TENT5D: variants seen among roughly 807,000 people sequenced by gnomAD.
TENT5D encodes terminal nucleotidyltransferase 5D, also known as cancer/testis antigen 112.
For synonymous variants in TENT5D, 103 were observed against 100.6 expected (o/e 1.02, Z -0.15); for missense variants, 191 against 287.0 (o/e 0.67, Z 2.42).
intron 3 of TENT5D, among the ~76,000 whole-genome samples, chrX:80,389,234 C>CTT (rs113436583): frequency 8.9e-6 from 1 of 111,833 alleles, no homozygotes; most frequent in African/African-American, 3.3e-5. Context: ...TACAAAGATG[C>CTT]TTTTTTGTGT....
intron 3 of TENT5D, among the ~76,000 whole-genome samples, chrX:80,408,518 G>C (rs1353949502): frequency 1.8e-5 from 2 of 108,943 alleles, no homozygotes; most frequent in Admixed American, 2.0e-4. Context: ...TAAATTCCTC[G>C]ACACATACAC....
At chrX:80,423,347 C>T (rs184398269) in intron 1 of TENT5D, among the ~76,000 whole-genome samples, 1 of 110,949 alleles carries the variant, frequency 9.0e-6, no homozygotes. Flanking sequence ...AATTAAGGAG[C>T]GTGGACACAA....
At chrX:80,361,482 C>T (rs973136802) in intron 3 of TENT5D, among the ~76,000 whole-genome samples, 1 of 112,064 alleles carries the variant, frequency 8.9e-6, no homozygotes, top group African/African-American at 3.2e-5. Flanking sequence ...TTAGTGCTTC[C>T]TAGTCTGATA....
At chrX:80,396,789 T>G (rs1294279063) in intron 3 of TENT5D, among the ~76,000 whole-genome samples, 1 of 95,176 alleles carries the variant, frequency 1.1e-5, no homozygotes, top group African/African-American at 3.9e-5. Flanking sequence ...AGCTGTTGGG[T>G]ACACCTCCCA....
chrX:80,418,441 T>C (rs1931820513), upstream of TENT5D, among the ~76,000 whole-genome samples: 1 of 111,878 alleles, frequency 8.9e-6, no homozygotes. Flanking sequence ...AAAGTATATG[T>C]ATCCAAAATG....
chrX:80,412,308 G>T (rs1210742663), intron 3 of TENT5D, among the ~76,000 whole-genome samples: 1 of 112,531 alleles, frequency 8.9e-6, no homozygotes, highest in African/African-American at 3.2e-5. Flanking sequence ...CCCCGGGCCT[G>T]TGATAGGAGA....
intron 3 of TENT5D, among the ~76,000 whole-genome samples, chrX:80,390,712 A>G (rs1931107215): frequency 9.0e-6 from 1 of 111,325 alleles, no homozygotes; most frequent in Non-Finnish European, 1.9e-5. Context: ...GGAAATTGTG[A>G]TAATGGAGGA....
upstream of TENT5D, among the ~76,000 whole-genome samples, chrX:80,419,821 C>A (rs1931849310): frequency 9.0e-6 from 1 of 111,673 alleles, no homozygotes; most frequent in African/African-American, 3.3e-5. Flanking sequence ...AGCAATTCTC[C>A]TACCTCAGCC....
At chrX:80,392,873 G>T (rs1022393249) in intron 3 of TENT5D, among the ~76,000 whole-genome samples, 2 of 111,085 alleles carry the variant, frequency 1.8e-5, no homozygotes, top group South Asian at 7.5e-4. Context: ...CCTACAATAT[G>T]ATTAAGATTT....
chrX:80,382,568 T>C (rs1245472015), intron 3 of TENT5D, among the ~76,000 whole-genome samples: 1 of 111,985 alleles, frequency 8.9e-6, no homozygotes, highest in African/African-American at 3.2e-5. Context: ...ACCTTTTGTT[T>C]AGGTGTGTCC....
At chrX:80,407,540 A>G (rs1931529762) in intron 3 of TENT5D, among the ~76,000 whole-genome samples, 1 of 108,293 alleles carries the variant, frequency 9.2e-6, no homozygotes, top group African/African-American at 3.4e-5. Flanking sequence ...CAATTCAACA[A>G]GAAGAGCTAA....
intron 3 of TENT5D, among the ~76,000 whole-genome samples, chrX:80,411,259 G>A (rs1484450305): frequency 1.8e-5 from 2 of 110,598 alleles, no homozygotes; most frequent in African/African-American, 6.6e-5. Flanking sequence ...AAAAAAGAAA[G>A]AAAATTTCAG....
At position 80,399,115 on chromosome X, in the gene TENT5D, A is replaced by G. The variant is rs149165489; in HGVS notation, c.-141-39495A>G. 5.1e-3 allele frequency among the ~76,000 whole-genome samples: 573 copies of G among 111,386 alleles called. 1 individual carries two copies. The highest frequency in any genetic ancestry group is 9.0e-3 in the Non-Finnish European group (475 of 53,045). Reference sequence around the variant, plus strand: ...TGTTGTGCAGAAGCTTTTTATTTTGATGAAATCCCATTTGTCTATTTTTGC... The same window carrying G: ...TGTTGTGCAGAAGCTTTTTATTTTGGTGAAATCCCATTTGTCTATTTTTGC... On this transcript the variant is annotated intron_variant, in intron 3 of 4. Coordinates refer to the TENT5D transcript ENST00000538312.
intron 2 of TENT5D, among the ~76,000 whole-genome samples, chrX:80,337,485 A>G (rs1256847034): frequency 9.0e-6 from 1 of 111,305 alleles, no homozygotes; most frequent in East Asian, 2.8e-4. Flanking sequence ...CCTATTTTTT[A>G]ATTTTGTATA....
chrX:80,383,595 G>A (rs1238708110), intron 3 of TENT5D, among the ~76,000 whole-genome samples: 1 of 112,314 alleles, frequency 8.9e-6, no homozygotes, highest in Non-Finnish European at 1.9e-5. Context: ...ATTGGCTCAC[G>A]CCTGTAATCC....
chrX:80,362,689 C>T (rs1461830198), intron 3 of TENT5D, among the ~76,000 whole-genome samples: 2 of 111,278 alleles, frequency 1.8e-5, no homozygotes, highest in Non-Finnish European at 3.8e-5. Flanking sequence ...ACCCTAAAGA[C>T]TTAGCATAAT....
intron 3 of TENT5D, among the ~76,000 whole-genome samples, chrX:80,381,247 G>A (rs1930860444): frequency 9.0e-6 from 1 of 111,678 alleles, no homozygotes; most frequent in Admixed American, 9.6e-5. Context: ...TGAAATTCTG[G>A]GTTGAAACTT....
chrX:80,443,610 T>A (rs1025264770), exon 3 of TENT5D: 21 of 1,210,428 alleles, frequency 1.7e-5, no homozygotes, highest in Non-Finnish European at 2.3e-5. Context: ...ACTTTGCAGC[T>A]GAGGCAAGGT....
intron 3 of TENT5D, among the ~76,000 whole-genome samples, chrX:80,403,213 C>G (rs1569367586): frequency 9.0e-6 from 1 of 111,710 alleles, no homozygotes; most frequent in Non-Finnish European, 1.9e-5. Flanking sequence ...AAAATGCACT[C>G]TTATAAACAA....
Sources: gnomAD v4.1 joint callset for allele counts (sites outside exome capture counted in the v4.1 genomes callset) on GRCh38, gnomAD v4.1.1 for gene constraint, MANE v1.5 for transcripts, NCBI Gene and HGNC (gene_info 2026-07-23, HGNC 2026-07-21) for gene names.